Variants in DIXDC1 observed in about 807,000 individuals in gnomAD.
The protein encoded by DIXDC1 is DIX domain containing 1, also known as dixin.
Under a neutral mutation model 103.1 loss-of-function variants are expected in DIXDC1, and 64 were observed. The ratio of observed to expected loss-of-function variants is 0.62; its 90% CI spans 0.51 to 0.76. The LOEUF (loss-of-function observed/expected upper bound fraction) is 0.76, where lower values mean the gene tolerates loss of function less well. Among genes scored for constraint, DIXDC1 ranks in the 30% least tolerant of loss-of-function variants. The pLI is 0.00. For synonymous variants in DIXDC1, 266 were observed against 298.5 expected (o/e 0.89, Z 1.12); for missense variants, 759 against 834.2 (o/e 0.91, Z 1.11).
chr11:111,971,090 C>T (rs1555172027), intron 3 of DIXDC1, among the ~76,000 whole-genome samples: 1 of 152,122 alleles, frequency 6.6e-6, no homozygotes, highest in South Asian at 2.1e-4. Flanking sequence ...ACTAAATCCT[C>T]AAAGCAATTG....
intron 3 of DIXDC1, 25 bp from the exon 4 acceptor site, chr11:111,973,998 A>G: frequency 6.2e-7 from 1 of 1,611,188 alleles, no homozygotes. Flanking sequence ...GGTCTGTTTT[A>G]TTCTTGGTCC....
At chr11:112,013,897 G>A (rs1210532794) in intron 17 of DIXDC1, among the ~76,000 whole-genome samples, 1 of 152,130 alleles carries the variant, frequency 6.6e-6, no homozygotes, top group Non-Finnish European at 1.5e-5. Context: ...GCCTCAATCG[G>A]CTTTCACTCA....
At chr11:111,949,147 T>G (rs1470441557) in intron 1 of DIXDC1, among the ~76,000 whole-genome samples, 2 of 152,184 alleles carry the variant, frequency 1.3e-5, no homozygotes, top group African/African-American at 4.8e-5. Context: ...ATACCTGGCA[T>G]GTAGTAAGTG....
Position 111,958,469 on chromosome 11 carries a change from G to C in DIXDC1, c.61-6080G>C, listed in dbSNP as rs1176332376. Among the ~76,000 whole-genome samples, 3 of 152,234 alleles carry C rather than the reference G, an allele frequency of 2.0e-5. No homozygotes were observed. Among genetic ancestry groups the C allele is most frequent in the Non-Finnish European group, 4.4e-5 (3 of 68,040 alleles). ...CCGGGCACTGCCACAACCTGGCTGGGTGTGCACAGGGTTGGGGCAGCACTG... is the reference window on the plus strand; with the variant it reads ...CCGGGCACTGCCACAACCTGGCTGGCTGTGCACAGGGTTGGGGCAGCACTG... On this transcript the variant is annotated intron_variant, in intron 1 of 19. Transcript: ENST00000440460. This position sits in a 1 kb window ranked among gnomAD's most constrained non-coding sequence, Gnocchi z 4.2.
intron 17 of DIXDC1, among the ~76,000 whole-genome samples, chr11:111,997,968 A>G (rs1413882104): frequency 6.6e-6 from 1 of 152,204 alleles, no homozygotes; most frequent in African/African-American, 2.4e-5. Flanking sequence ...AGAAGAGTCT[A>G]TATTTGCTCT....
chr11:111,982,449 G>T lies in DIXDC1; in HGVS notation c.880G>T (p.Glu294Ter), dbSNP rs2137552876. 1 of 1,613,648 alleles carries T rather than the reference G, an allele frequency of 6.2e-7. No individual in the cohort carries two copies. Among genetic ancestry groups the T allele is most frequent in the Non-Finnish European group, 8.5e-7 (1 of 1,179,730 alleles). ...LLEQQEYLEK[E>*]MEEAKKMISG... ...GGAACAACAAGAATATTTAGAAAAA[G>T]AAATGGAGGAAGCAAAGAAAATGAT... Residue 294 changes from glutamate to a stop codon, truncating the protein, a stop_gained, in exon 7 of 20, where the codon GAA becomes TAA. Transcript: ENST00000440460. LOFTEE classifies it high-confidence loss of function.
At position 112,017,175 on chromosome 11, in the gene DIXDC1, A is replaced by G. The variant is rs1243025678; in HGVS notation, c.1862+379A>G. On this transcript the variant is annotated intron_variant, in intron 18 of 19. Transcript: ENST00000440460. This position sits in a 1 kb window ranked among gnomAD's most constrained non-coding sequence, Gnocchi z 4.0. Reference sequence around the variant, plus strand: ...CTATGACTAATTGATCTTTGTTACTATTCAATGACTGCAGCTAATCCCTAT... The same window carrying G: ...CTATGACTAATTGATCTTTGTTACTGTTCAATGACTGCAGCTAATCCCTAT... 1.3e-5 allele frequency among the ~76,000 whole-genome samples: 2 copies of G among 151,920 alleles called. No homozygotes were observed. Among genetic ancestry groups the G allele is most frequent in the Non-Finnish European group, 2.9e-5 (2 of 68,006 alleles).
intron 1 of DIXDC1, among the ~76,000 whole-genome samples, chr11:111,942,317 G>A (rs587686716): frequency 2.6e-5 from 4 of 152,186 alleles, no homozygotes; most frequent in Admixed American, 6.5e-5. Flanking sequence ...TCCCCGAGGC[G>A]GTTCAGAGGA....
intron 1 of DIXDC1, among the ~76,000 whole-genome samples, chr11:111,957,314 GA>G (rs1859421148): frequency 6.6e-6 from 1 of 152,148 alleles, no homozygotes; most frequent in African/African-American, 2.4e-5. Context: ...TAGCAGGAAA[GA>G]AAAATCAATA....
chr11:112,013,321 T>TGGGGGGGGGGGGGGGGGGGG (rs1403269609), intron 17 of DIXDC1, among the ~76,000 whole-genome samples: 20 of 35,656 alleles, frequency 5.6e-4, no homozygotes, highest in East Asian at 7.5e-4. Context: ...GGTCGGGGGG[T>TGGGGGGGGGGGGGGGGGGGG]GGGGGTGGGG....
chr11:111,975,981 A>G (rs1860084054), intron 5 of DIXDC1: 1 of 867,150 alleles, frequency 1.2e-6, no homozygotes, highest in African/African-American at 1.8e-5. Flanking sequence ...TAACCATTAA[A>G]CATTATAAAG....
In DIXDC1 at chr11:111,976,594, C is replaced by G. The variant is rs587771311; in HGVS notation, c.656+1611C>G. ...CTATCTGGAACCCAGCAGGTTCCCG[C>G]ACATTCTGAGCCCTCGCCCCCAGGG... On this transcript the variant is annotated intron_variant, in intron 5 of 19. Transcript: ENST00000440460. The surrounding 1 kb of genome is among the most constrained non-coding windows in gnomAD (Gnocchi z 4.3). Among the ~76,000 whole-genome samples, 1 of 152,274 alleles carries G rather than the reference C, an allele frequency of 6.6e-6. No homozygotes were observed. Among genetic ancestry groups the G allele is most frequent in the African/African-American group, 2.4e-5 (1 of 41,544 alleles).
At chr11:111,937,615 A>G (rs1450699651) in intron 1 of DIXDC1, 56 bp downstream of exon 1, 2 of 1,522,258 alleles carry the variant, frequency 1.3e-6, no homozygotes, top group Non-Finnish European at 1.8e-6. Context: ...TCTCCCGCCC[A>G]GTCTCCGGAA....
intron 17 of DIXDC1, among the ~76,000 whole-genome samples, chr11:111,997,225 A>G: frequency 6.6e-6 from 1 of 152,370 alleles, no homozygotes; most frequent in South Asian, 2.1e-4. Flanking sequence ...TTGCAAAAAT[A>G]TGAAATGTAA....
At chr11:111,951,471 T>C (rs1966802410) in intron 1 of DIXDC1, among the ~76,000 whole-genome samples, 1 of 152,122 alleles carries the variant, frequency 6.6e-6, no homozygotes, top group East Asian at 1.9e-4. Flanking sequence ...AAAGTTTTTA[T>C]GAAATGTAAT....
chr11:111,931,265 G>A (rs184959577), intron 2 of DIXDC1, among the ~76,000 whole-genome samples: 1 of 152,234 alleles, frequency 6.6e-6, no homozygotes, highest in Non-Finnish European at 1.5e-5. Context: ...CTTGAGCCTG[G>A]GAGGTCGAGG....
rs587739131 is a variant in DIXDC1 at position 111,937,417 on chromosome 11, G to C, written c.-83G>C. 4.6e-6 allele frequency: 7 copies of C among 1,531,870 alleles called. No homozygotes were observed. Among genetic ancestry groups the C allele is most frequent in the Non-Finnish European group, 6.1e-6 (7 of 1,139,354 alleles). The allele number at this position is 1,531,870 out of a possible 1,614,324, so 94.9% of individuals were successfully genotyped here. On this transcript the variant is annotated 5_prime_UTR_variant, in exon 1 of 20. Transcript: ENST00000440460. ...GGGATCCCAATGAGCTGAGCCGAGAGCCTTTGTGTGCAGAGGGAGGAGGAG... is the reference window on the plus strand; with the variant it reads ...GGGATCCCAATGAGCTGAGCCGAGACCCTTTGTGTGCAGAGGGAGGAGGAG...
chr11:111,949,678 C>T (rs1486847384), intron 1 of DIXDC1, among the ~76,000 whole-genome samples: 3 of 152,164 alleles, frequency 2.0e-5, no homozygotes, highest in African/African-American at 7.2e-5. Context: ...TGCTGGTGGT[C>T]GTGGGCAGAC....
At chr11:111,965,090 G>A (rs1213754868) in intron 2 of DIXDC1, among the ~76,000 whole-genome samples, 6 of 152,122 alleles carry the variant, frequency 3.9e-5, no homozygotes, top group African/African-American at 1.4e-4. Flanking sequence ...CCTACCAGAA[G>A]AATTGGTATC....
Sources: allele counts gnomAD v4.1 joint callset (sites outside exome capture counted in the v4.1 genomes callset), GRCh38; gene constraint gnomAD v4.1.1; non-coding constraint Gnocchi (gnomAD v3.1); transcripts MANE v1.5; gene names NCBI Gene and HGNC (gene_info 2026-07-23, HGNC 2026-07-21).